Variants in RGS5 observed in about 807,000 individuals in gnomAD.
RGS5 encodes regulator of G-protein signalling 5.
In RGS5, 20 loss-of-function variants were observed where a neutral mutation model predicts 18.9. That is an observed-to-expected ratio of 1.06 (90% CI 0.74 to 1.54). The LOEUF is 1.54. RGS5 is among the 40% of genes most tolerant of loss of function. The pLI is 0.00. For missense variants in RGS5, 201 were observed against 211.8 expected (o/e 0.95, Z 0.32); for synonymous variants, 57 against 76.2 (o/e 0.75, Z 1.31).
At chr1:163,157,811 G>A (rs565711027) in intron 3 of RGS5, among the ~76,000 whole-genome samples, 18 of 152,202 alleles carry the variant, frequency 1.2e-4, no homozygotes, top group Admixed American at 4.6e-4. Context: ...TCAAGCCATC[G>A]TCCTGCCTCA....
chr1:163,205,920 A>G (rs1357093943), upstream of RGS5, among the ~76,000 whole-genome samples: 1 of 152,200 alleles, frequency 6.6e-6, no homozygotes, highest in East Asian at 1.9e-4. Flanking sequence ...TATGTGATCC[A>G]TGGTGAACAG....
intron 2 of RGS5, among the ~76,000 whole-genome samples, chr1:163,301,005 C>T (rs1427498082): frequency 6.6e-6 from 1 of 152,172 alleles, no homozygotes; most frequent in Admixed American, 6.5e-5. Context: ...AGTAGTTCTT[C>T]AGCTGCAAAT....
intron 2 of RGS5, among the ~76,000 whole-genome samples, chr1:163,256,162 A>G (rs1020017971): frequency 6.6e-5 from 10 of 152,152 alleles, no homozygotes; most frequent in Admixed American, 1.3e-4. Context: ...GAAAAGAGGA[A>G]GTCAAATTGT....
chr1:163,265,169 C>T (rs1473942235), intron 2 of RGS5, among the ~76,000 whole-genome samples: 2 of 152,074 alleles, frequency 1.3e-5, no homozygotes, highest in African/African-American at 2.4e-5. Context: ...ACTTTGTAAA[C>T]TCTTCAGTGT....
chr1:163,162,531 T>G (rs1371852750), intron 2 of RGS5, among the ~76,000 whole-genome samples: 1 of 142,394 alleles, frequency 7.0e-6, no homozygotes, highest in South Asian at 2.2e-4. Context: ...GTTAAAAACG[T>G]AGGCGCATTT....
intron 3 of RGS5, among the ~76,000 whole-genome samples, chr1:163,158,423 C>T (rs1478118809): frequency 6.6e-6 from 1 of 152,108 alleles, no homozygotes; most frequent in East Asian, 1.9e-4. Flanking sequence ...GGGCAAAATT[C>T]ACCCCCGATA....
chr1:163,231,955 A>G (rs1647492748), intron 2 of RGS5, among the ~76,000 whole-genome samples: 1 of 150,622 alleles, frequency 6.6e-6, no homozygotes, highest in Non-Finnish European at 1.5e-5. Context: ...GTAAAATCAG[A>G]GAGGCTGATA....
chr1:163,275,796 A>C (rs549547629), intron 2 of RGS5, among the ~76,000 whole-genome samples: 1 of 152,296 alleles, frequency 6.6e-6, no homozygotes, highest in South Asian at 2.1e-4. Flanking sequence ...ATATATAATA[A>C]GTAAGGGAGG....
At position 163,268,802 on chromosome 1, in the gene RGS5, G is replaced by A. The variant is rs775250512; in HGVS notation, c.-281+37431C>T. 2.6e-5 allele frequency among the ~76,000 whole-genome samples: 4 copies of A among 152,058 alleles called. No homozygotes were observed. In the South Asian group the frequency reaches 8.3e-4, roughly 32 times the overall value. On this transcript the variant is annotated intron_variant, in intron 2 of 5. Coordinates refer to the RGS5 transcript ENST00000618415. Reference sequence around the variant, plus strand: ...CCTCTCTTCCTTCTGCCTTCTGACTGGTCTAGGTGTTCTTTCCTGTGGCCC... The same window carrying A: ...CCTCTCTTCCTTCTGCCTTCTGACTAGTCTAGGTGTTCTTTCCTGTGGCCC...
chr1:163,300,525 G>A (rs1374286124), intron 2 of RGS5: 2 of 152,206 alleles, frequency 1.3e-5, no homozygotes, highest in African/African-American at 4.8e-5. Flanking sequence ...TGATATGCCT[G>A]ACCATTTTGT....
chr1:163,242,644 G>A (rs1023613565), intron 2 of RGS5, among the ~76,000 whole-genome samples: 1 of 152,194 alleles, frequency 6.6e-6, no homozygotes, highest in Non-Finnish European at 1.5e-5. Context: ...TAAAAAAGGT[G>A]CACAGTCAGG....
intron 3 of RGS5, among the ~76,000 whole-genome samples, chr1:163,161,106 T>G (rs1458062114): frequency 6.6e-6 from 1 of 152,168 alleles, no homozygotes; most frequent in East Asian, 1.9e-4. Context: ...TTATTTGAAT[T>G]ATCTATTATA....
chr1:163,180,891 A>T (rs1429886247), intron 1 of RGS5, among the ~76,000 whole-genome samples: 9 of 151,566 alleles, frequency 5.9e-5, no homozygotes, highest in South Asian at 2.1e-4. Flanking sequence ...AGACGGGGTT[A>T]CACCGCGTTA....
At chr1:163,261,784 G>T (rs1476068349) in intron 2 of RGS5, among the ~76,000 whole-genome samples, 1 of 152,116 alleles carries the variant, frequency 6.6e-6, no homozygotes, top group African/African-American at 2.4e-5. Flanking sequence ...AGAACTATTA[G>T]CTTGTAAAGA....
At chr1:163,256,573 C>G (rs1474179491) in intron 2 of RGS5, among the ~76,000 whole-genome samples, 2 of 152,158 alleles carry the variant, frequency 1.3e-5, no homozygotes, top group East Asian at 1.9e-4. Context: ...TAATTAATTG[C>G]AACAGCACCG....
chr1:163,244,787 A>G (rs7543606), intron 2 of RGS5: 30,375 of 152,082 alleles, frequency 0.2, 3,434 homozygotes, highest in Non-Finnish European at 0.25. Context: ...ATCATTCAGA[A>G]GGTTTAATTA....
At chr1:163,317,426 C>T (rs537146202) in intron 1 of RGS5, among the ~76,000 whole-genome samples, 29 of 152,318 alleles carry the variant, frequency 1.9e-4, no homozygotes, top group Admixed American at 1.8e-3. Flanking sequence ...GCCACTTCTA[C>T]TTCCTAAAAT....
At chr1:163,286,936 A>C (rs1649160173) in intron 2 of RGS5, among the ~76,000 whole-genome samples, 1 of 152,138 alleles carries the variant, frequency 6.6e-6, no homozygotes, top group Non-Finnish European at 1.5e-5. Flanking sequence ...TTTGAACAGG[A>C]AATATATTTT....
intron 2 of RGS5, 24 bp downstream of exon 2, chr1:163,168,234 G>A (rs1658140738): frequency 6.5e-6 from 10 of 1,542,676 alleles, no homozygotes; most frequent in Non-Finnish European, 9.0e-6. Flanking sequence ...GAGGAAATGA[G>A]TGGAATCCAT....
Sources: gnomAD v4.1 joint callset for allele counts (sites outside exome capture counted in the v4.1 genomes callset) on GRCh38, gnomAD v4.1.1 for gene constraint, MANE v1.5 for transcripts, NCBI Gene and HGNC (gene_info 2026-07-23, HGNC 2026-07-21) for gene names.